Variants in TXLNG observed in about 807,000 individuals in gnomAD.
TXLNG encodes gamma-taxilin.
TXLNG carries 5 observed loss-of-function variants against 38.8 expected under a neutral mutation model. That is an observed-to-expected ratio of 0.13 (90% CI 0.07 to 0.27). The LOEUF is 0.27. Ranked by LOEUF, TXLNG falls within the 10% of genes least tolerant of loss-of-function variation. The pLI is 1.00. For synonymous variants in TXLNG, 182 were observed against 158.2 expected, an observed-to-expected ratio of 1.15 and a Z score of -1.13; for missense variants, 393 against 398.2, an observed-to-expected ratio of 0.99 and a Z score of 0.11.
chrX:16,835,524 G>A (rs981026607), intron 7 of TXLNG, among the ~76,000 whole-genome samples: 7 of 111,682 alleles, frequency 6.3e-5, no homozygotes, highest in African/African-American at 2.3e-4. Context: ...TGTGGAGAAG[G>A]TACGAAGTCT....
Position 16,843,633 on chromosome X carries a change from C to CTCT in TXLNG, c.*1869_*1871dup, listed in dbSNP as rs1929958446. On this transcript the variant is annotated 3_prime_UTR_variant, in exon 10 of 10. Coordinates refer to ENST00000380122, the MANE Select transcript of TXLNG (RefSeq NM_018360.3). ...CACAAGAACTCTGCTGGATGTACAG[C>CTCT]TCTTAACATTTTATTAAGCCATTTG... 8.9e-6 allele frequency: 1 copy of CTCT among 112,047 alleles called. No homozygotes were observed. The highest frequency in any genetic ancestry group is 1.9e-5 in the Non-Finnish European group (1 of 53,262). 9.2% of individuals were successfully genotyped at this position (112,047 alleles called of 1,213,427 possible). A position where few individuals can be genotyped will look rare whatever the true frequency, so the allele number is the denominator to read the frequency against.
intron 1 of TXLNG, among the ~76,000 whole-genome samples, chrX:16,799,292 T>G (rs1249252379): frequency 9.0e-6 from 1 of 111,465 alleles, no homozygotes; most frequent in East Asian, 2.8e-4. Context: ...TAGCTTTAGA[T>G]GTGGTTCTTT....
Position 16,786,570 on chromosome X carries a change from G to C in TXLNG, c.83G>C (p.Arg28Pro). Residue 28 changes from arginine to proline, a missense_variant, in exon 1 of 10, where the codon CGA becomes CCA. Arg to Pro is a moderately radical substitution (Grantham distance 103, BLOSUM62 -2). Coordinates refer to ENST00000380122, the MANE Select transcript of TXLNG (RefSeq NM_018360.3). ...ACTGAGGCCGGACGGGGCGGACGGC[G>C]ACGCAGCCCGCGGCAGAAGGTCAGT... ...EATEAGRGGR[R>P]RSPRQKFEIG... 9.3e-7 allele frequency: 1 copy of C among 1,073,182 alleles called. No individual in the cohort carries two copies. Among genetic ancestry groups the C allele is most frequent in the African/African-American group, 2.0e-5 (1 of 51,263 alleles). 88.4% of individuals were successfully genotyped at this position (1,073,182 alleles called of 1,213,427 possible).
At chrX:16,840,324 C>T (rs887660709) in intron 9 of TXLNG, 42 of 366,002 alleles carry the variant, frequency 1.1e-4, no homozygotes, top group African/African-American at 8.1e-4. Flanking sequence ...GCAGATAATC[C>T]GCCTCTCTAA....
chrX:16,818,027 T>G lies in TXLNG; in HGVS notation c.103-547T>G, dbSNP rs775384720. Among the ~76,000 whole-genome samples the G allele has an allele frequency of 2.6e-3, 288 of 111,589 alleles. 1 individual carries two copies. Among genetic ancestry groups the G allele is most frequent in the African/African-American group, 8.8e-3 (271 of 30,674 alleles). ...ACTTGTGCTTCTAAGAATAAAAGTC[T>G]TGGACAGTCGTGTCCTATGCCCACA... On this transcript the variant is annotated intron_variant, in intron 1 of 9. Transcript: ENST00000380122.
intron 1 of TXLNG, among the ~76,000 whole-genome samples, chrX:16,801,098 G>C (rs1396692454): frequency 8.9e-6 from 1 of 112,959 alleles, no homozygotes; most frequent in Non-Finnish European, 1.9e-5. Context: ...CGCCAGAAGC[G>C]ATGCCAGCGC....
intron 1 of TXLNG, among the ~76,000 whole-genome samples, chrX:16,809,301 A>T (rs1171989856): frequency 1.5e-5 from 1 of 65,599 alleles, no homozygotes; most frequent in African/African-American, 6.1e-5. Flanking sequence ...CCCCTCCCAC[A>T]GTGTTGTCGA....
intron 1 of TXLNG, among the ~76,000 whole-genome samples, chrX:16,802,375 C>A (rs750572878): frequency 2.8e-5 from 3 of 107,878 alleles, no homozygotes; most frequent in African/African-American, 1.0e-4. Context: ...CTGAGCCTCC[C>A]GAGTAGCTGG....
rs1248085183 is a variant in TXLNG at position 16,786,468 on chromosome X, T to G, written c.-20T>G. On this transcript the variant is annotated 5_prime_UTR_variant, in exon 1 of 10. Transcript: ENST00000380122. ...CTGTGCCCCTTGTCGGGCCGCTTGTTTGGCTGCTGCCGTCACCTCATGGCG... is the reference window on the plus strand; with the variant it reads ...CTGTGCCCCTTGTCGGGCCGCTTGTGTGGCTGCTGCCGTCACCTCATGGCG... 1 of 1,104,397 alleles carries G rather than the reference T, an allele frequency of 9.1e-7. No homozygotes were observed. The highest frequency in any genetic ancestry group is 1.9e-5 in the African/African-American group (1 of 51,878). The allele number at this position is 1,104,397 out of a possible 1,213,427, so 91.0% of individuals were successfully genotyped here.
Position 16,802,688 on chromosome X carries a change from A to G in TXLNG, c.103-15886A>G, listed in dbSNP as rs745425163. ...GTTAGTAACGGAAAAGTGAGTAAGT[A>G]TGATACTGTGATATCCAACCAAAAT... On this transcript the variant is annotated intron_variant, in intron 1 of 9. Transcript: ENST00000380122. Among the ~76,000 whole-genome samples the G allele has an allele frequency of 4.5e-5, 5 of 111,854 alleles. No individual in the cohort carries two copies. The South Asian group carries it at 1.5e-3, about 33-fold the overall frequency.
intron 2 of TXLNG, 140 bp from the exon 3 acceptor site, chrX:16,820,024 G>A (rs1928884340): frequency 1.1e-5 from 5 of 472,211 alleles, no homozygotes; most frequent in Admixed American, 4.0e-5. Context: ...TTTTCATTGA[G>A]CTGGTAAATC....
intron 1 of TXLNG, among the ~76,000 whole-genome samples, chrX:16,792,672 T>C (rs956673990): frequency 1.8e-5 from 2 of 110,171 alleles, no homozygotes; most frequent in Non-Finnish European, 3.8e-5. Flanking sequence ...TTCCAGCTAC[T>C]TGGGAGGCTG....
At position 16,829,610 on chromosome X, in the gene TXLNG, A is replaced by G. The variant is rs754145462; in HGVS notation, c.704A>G (p.Glu235Gly). 8.3e-7 allele frequency: 1 copy of G among 1,211,683 alleles called. No individual in the cohort carries two copies. The highest frequency in any genetic ancestry group is 2.2e-5 in the Admixed American group (1 of 45,950). ...ENMQQAREEE[E>G]RRKEATAHFQ... ...ATGCAGCAGGCACGAGAGGAAGAAG[A>G]ACGACGTAAAGAAGCAACTGCACAT... The change falls in exon 5 of 10, where the codon GAA becomes GGA. Residue 235 changes from glutamate to glycine, a missense_variant. By Grantham distance (98) the Glu-to-Gly change is moderately conservative (BLOSUM62 -2). Coordinates refer to ENST00000380122, the MANE Select transcript of TXLNG (RefSeq NM_018360.3).
chrX:16,840,778 C>A (rs1363024072), intron 9 of TXLNG, among the ~76,000 whole-genome samples: 3 of 110,495 alleles, frequency 2.7e-5, no homozygotes, highest in Non-Finnish European at 3.8e-5. Context: ...TCAAAAAAAA[C>A]AACAAACTTC....
intron 1 of TXLNG, among the ~76,000 whole-genome samples, chrX:16,787,679 G>C (rs767305071): frequency 3.6e-5 from 4 of 111,666 alleles, no homozygotes; most frequent in Non-Finnish European, 7.5e-5. Flanking sequence ...CGGGGACTGA[G>C]ACTGGGAAGG....
chrX:16,839,455 A>G (rs1929712726), intron 8 of TXLNG: 1 of 120,261 alleles, frequency 8.3e-6, no homozygotes, highest in Non-Finnish European at 1.7e-5. Context: ...ACTTAGGGAG[A>G]AGGAGGGCTT....
chrX:16,816,134 T>C (rs897010449), intron 1 of TXLNG, among the ~76,000 whole-genome samples: 11 of 108,192 alleles, frequency 1.0e-4, no homozygotes, highest in African/African-American at 3.7e-4. Context: ...TGGCGCGATA[T>C]CGGCTCAGTA....
At chrX:16,810,842 A>C (rs1805483872) in intron 1 of TXLNG, among the ~76,000 whole-genome samples, 1 of 110,843 alleles carries the variant, frequency 9.0e-6, no homozygotes, top group Admixed American at 9.7e-5. Context: ...CACCATGCCC[A>C]GCTAATTTTT....
rs1486825974 is a variant in TXLNG, at chrX:16,841,826, G to A, written c.*60G>A. Reference sequence around the variant, plus strand: ...TTGTGTATAACTTTCTCTGTTAGTAGTTAACTATTGGTTTTGTGGTGAAAA... The same window carrying A: ...TTGTGTATAACTTTCTCTGTTAGTAATTAACTATTGGTTTTGTGGTGAAAA... On this transcript the variant is annotated 3_prime_UTR_variant, in exon 10 of 10. Transcript: ENST00000380122. 6 of 1,093,951 alleles carry A rather than the reference G, an allele frequency of 5.5e-6. No individual in the cohort carries two copies. In the South Asian group the frequency reaches 1.3e-4, roughly 24 times the overall value. 90.2% of individuals were successfully genotyped at this position (1,093,951 alleles called of 1,213,427 possible).
Sources: gnomAD v4.1 joint callset for allele counts (sites outside exome capture counted in the v4.1 genomes callset) on GRCh38, gnomAD v4.1.1 for gene constraint, MANE v1.5 for transcripts, NCBI Gene and HGNC (gene_info 2026-07-23, HGNC 2026-07-21) for gene names.